DENND5B: variants seen among roughly 807,000 people sequenced by gnomAD.
The protein encoded by DENND5B is DENN domain containing 5B, also known as DENN domain-containing protein 5B.
In DENND5B, 34 loss-of-function variants were observed where a neutral mutation model predicts 140.6. The ratio of observed to expected loss-of-function variants is 0.24; its 90% CI spans 0.18 to 0.32. DENND5B has a LOEUF of 0.32. DENND5B is among the 10% of genes least tolerant of loss of function. DENND5B has a pLI of 1.00. For synonymous variants in DENND5B, 551 were observed against 562.1 expected (o/e 0.98, Z 0.28); for missense variants, 1,142 against 1,560.2 (o/e 0.73, Z 4.52).
chr12:31,406,005 C>T (rs1277053099), intron 14 of DENND5B, among the ~76,000 whole-genome samples: 1 of 151,858 alleles, frequency 6.6e-6, no homozygotes, highest in Non-Finnish European at 1.5e-5. Flanking sequence ...GCCCACCATG[C>T]CCAGCTAATT....
chr12:31,441,450 A>C (rs1944025847), intron 7 of DENND5B, among the ~76,000 whole-genome samples: 1 of 151,470 alleles, frequency 6.6e-6, no homozygotes, highest in Non-Finnish European at 1.5e-5. Flanking sequence ...GTACTCCTAA[A>C]GTGCTGGGAT....
intron 1 of DENND5B, among the ~76,000 whole-genome samples, chr12:31,562,981 C>T (rs1000930102): frequency 6.6e-6 from 1 of 151,904 alleles, no homozygotes; most frequent in South Asian, 2.1e-4. Context: ...GCTTCCTCTG[C>T]CCCTAAGCAA....
At chr12:31,549,434 C>A (rs1453697831) in intron 1 of DENND5B, among the ~76,000 whole-genome samples, 1 of 151,722 alleles carries the variant, frequency 6.6e-6, no homozygotes, top group East Asian at 1.9e-4. Context: ...ATTACGCTAT[C>A]TATATGGCTC....
intron 1 of DENND5B, among the ~76,000 whole-genome samples, chr12:31,521,844 G>C (rs1159976096): frequency 6.6e-6 from 1 of 152,116 alleles, no homozygotes; most frequent in South Asian, 2.1e-4. Context: ...CTATCAACCA[G>C]ACTCCATACT....
At chr12:31,446,322 T>A (rs1320704696) in intron 6 of DENND5B, among the ~76,000 whole-genome samples, 1 of 152,014 alleles carries the variant, frequency 6.6e-6, no homozygotes, top group Non-Finnish European at 1.5e-5. Context: ...CTAATTTTTG[T>A]ATTTTTAGTA....
chr12:31,409,918 G>A (rs1292198662), intron 13 of DENND5B, among the ~76,000 whole-genome samples: 1 of 152,170 alleles, frequency 6.6e-6, no homozygotes, highest in Non-Finnish European at 1.5e-5. Context: ...TTATAGGCAT[G>A]AGCCACTGGG....
chr12:31,498,770 C>T (rs1946883794), intron 1 of DENND5B, among the ~76,000 whole-genome samples: 1 of 151,742 alleles, frequency 6.6e-6, no homozygotes. Context: ...GTCAGGAGTT[C>T]GAGACCAGCC....
At chr12:31,415,552 T>C (rs1942692053) in intron 11 of DENND5B, 104 bp from the exon 12 acceptor site, 10 of 905,420 alleles carry the variant, frequency 1.1e-5, no homozygotes, top group Non-Finnish European at 1.5e-5. Flanking sequence ...ATTTTAACAA[T>C]ATATATCATC....
At chr12:31,422,069 AT>A (rs1163551061) in intron 11 of DENND5B, among the ~76,000 whole-genome samples, 1 of 152,078 alleles carries the variant, frequency 6.6e-6, no homozygotes, top group Non-Finnish European at 1.5e-5. Context: ...TAAATACTAC[AT>A]TTAGGATAGT....
chr12:31,437,869 C>A (rs548058356), intron 7 of DENND5B, among the ~76,000 whole-genome samples: 1 of 152,192 alleles, frequency 6.6e-6, no homozygotes, highest in Non-Finnish European at 1.5e-5. Flanking sequence ...TGTGCACTCC[C>A]GTTCTCCTGC....
intron 6 of DENND5B, among the ~76,000 whole-genome samples, chr12:31,445,953 G>C (rs866733787): frequency 4.6e-5 from 7 of 151,094 alleles, no homozygotes; most frequent in African/African-American, 1.7e-4. Context: ...AGGCTGCAGT[G>C]AGCCATGATG....
At chr12:31,570,292 T>A (rs1255385264) in intron 1 of DENND5B, among the ~76,000 whole-genome samples, 3 of 150,602 alleles carry the variant, frequency 2.0e-5, no homozygotes, top group Non-Finnish European at 4.4e-5. Context: ...TTTTTTTTTT[T>A]AAGAGACGGA....
chr12:31,526,727 G>A (rs1004988666), intron 1 of DENND5B, among the ~76,000 whole-genome samples: 1 of 152,134 alleles, frequency 6.6e-6, no homozygotes, highest in Non-Finnish European at 1.5e-5. Flanking sequence ...TTAGTTAACA[G>A]TATTATTCCA....
intron 2 of DENND5B, among the ~76,000 whole-genome samples, chr12:31,490,908 A>G (rs1420826611): frequency 1.3e-5 from 2 of 152,210 alleles, no homozygotes; most frequent in Non-Finnish European, 2.9e-5. Context: ...GCTTTATAAT[A>G]GTTATTACTC....
intron 17 of DENND5B, among the ~76,000 whole-genome samples, chr12:31,397,547 C>CACAAAAAAAAAAAAAA: frequency 8.9e-4 from 1 of 1,118 alleles, no homozygotes; most frequent in Non-Finnish European, 3.7e-3. Context: ...GATTCCATCT[C>CACAAAAAAAAAAAAAA]ACAAAAAAAA....
chr12:31,460,485 A>G, intron 3 of DENND5B, 104 bp from the exon 4 acceptor site: 1 of 1,056,324 alleles, frequency 9.5e-7, no homozygotes, highest in Non-Finnish European at 1.4e-6. Flanking sequence ...TCTGCGTTAA[A>G]AGTAAATATT....
intron 1 of DENND5B, among the ~76,000 whole-genome samples, chr12:31,543,684 A>G (rs547747143): frequency 6.6e-6 from 1 of 152,230 alleles, no homozygotes; most frequent in Non-Finnish European, 1.5e-5. Flanking sequence ...ATTACTTAGC[A>G]TGTAATAAAA....
intron 3 of DENND5B, among the ~76,000 whole-genome samples, chr12:31,467,442 AGT>A (rs1945318920): frequency 6.6e-6 from 1 of 151,874 alleles, no homozygotes; most frequent in Non-Finnish European, 1.5e-5. Context: ...TGGACAAGAC[AGT>A]GAGACCCCCA....
chr12:31,388,287 G>C (rs1940951960), intron 20 of DENND5B, among the ~76,000 whole-genome samples: 2 of 139,082 alleles, frequency 1.4e-5, no homozygotes, highest in Admixed American at 7.6e-5. Flanking sequence ...CAAAATCAAA[G>C]CAGAAAAACA....
Sources: gnomAD v4.1 joint callset for allele counts (sites outside exome capture counted in the v4.1 genomes callset) on GRCh38, gnomAD v4.1.1 for gene constraint, MANE v1.5 for transcripts, NCBI Gene and HGNC (gene_info 2026-07-23, HGNC 2026-07-21) for gene names.